Variants in NCOA2 observed in about 807,000 individuals in gnomAD.
NCOA2 encodes nuclear receptor coactivator 2.
A neutral mutation model predicts 145.1 loss-of-function variants in NCOA2; 21 were observed. That is an observed-to-expected ratio of 0.14 (90% CI 0.10 to 0.21). The LOEUF is 0.21. Ranked by LOEUF, NCOA2 falls within the 10% of genes least tolerant of loss-of-function variation. NCOA2 has a pLI of 1.00. For missense variants in NCOA2, 1,472 were observed against 1,837.6 expected, an observed-to-expected ratio of 0.80 and a Z score of 3.64; for synonymous variants, 619 against 637.5, an observed-to-expected ratio of 0.97 and a Z score of 0.44.
Position 70,231,354 on chromosome 8 carries a change from G to A in NCOA2, c.-19-14590C>T, listed in dbSNP as rs192768147. On this transcript the variant is annotated intron_variant, in intron 2 of 22. Transcript: ENST00000452400. ...ATTTCTACTCTGATGAAAGAATGCC[G>A]AGTCAGGTATGCCATAGGTGCAATA... 2.0e-3 allele frequency among the ~76,000 whole-genome samples: 309 copies of A among 152,336 alleles called. 3 individuals are homozygous for A. The highest frequency in any genetic ancestry group is 6.8e-3 in the African/African-American group (281 of 41,580).
At chr8:70,198,415 G>A (rs1216266950) in intron 4 of NCOA2, among the ~76,000 whole-genome samples, 1 of 152,138 alleles carries the variant, frequency 6.6e-6, no homozygotes, top group African/African-American at 2.4e-5. Context: ...AGTACAATGG[G>A]ACCAGCCAGC....
At position 70,159,078 on chromosome 8, in the gene NCOA2, T is replaced by G. The variant is rs545412995; in HGVS notation, c.1124+427A>C. ...CGCTGCAGATACTAAAATCCATGGA[T>G]GCTCAAGTCCCTGAAATTAATAGCA... On this transcript the variant is annotated intron_variant, in intron 10 of 22. Transcript: ENST00000452400. Among the ~76,000 whole-genome samples the G allele has an allele frequency of 3.3e-5, 5 of 151,584 alleles. No individual in the cohort carries two copies. The South Asian group carries it at 1.0e-3, about 32-fold the overall frequency.
At chr8:70,217,656 C>T (rs563253329) in intron 2 of NCOA2, among the ~76,000 whole-genome samples, 82 of 152,174 alleles carry the variant, frequency 5.4e-4, no homozygotes, top group Admixed American at 4.6e-3. Context: ...GTGTGCTCGT[C>T]ATCACTAACA....
intron 1 of NCOA2, among the ~76,000 whole-genome samples, chr8:70,332,132 T>C (rs907269662): frequency 1.5e-4 from 23 of 152,174 alleles, no homozygotes; most frequent in African/African-American, 5.5e-4. Context: ...GAATTAGAAG[T>C]GGTTGGGGAA....
chr8:70,159,122 T>C (rs1812600851), intron 10 of NCOA2, among the ~76,000 whole-genome samples: 1 of 151,040 alleles, frequency 6.6e-6, no homozygotes, highest in Non-Finnish European at 1.5e-5. Context: ...GCATATAACC[T>C]ACACACATCC....
the NCOA2 span, among the ~76,000 whole-genome samples, chr8:70,443,225 G>GT: frequency 6.7e-3 from 1 of 150 alleles, no homozygotes; most frequent in Non-Finnish European, 0.013. Context: ...AAATTAGCTG[G>GT]GTGGTGGGGG....
chr8:70,422,169 G>A, the NCOA2 span, among the ~76,000 whole-genome samples: 1 of 151,956 alleles, frequency 6.6e-6, no homozygotes, highest in Non-Finnish European at 1.5e-5. Flanking sequence ...CCTTAAGGAG[G>A]TCTCTTCATT....
At chr8:70,367,212 AACTCCTAAGACTGTTCTCATTTCC>A (rs1338524409) in intron 1 of NCOA2, among the ~76,000 whole-genome samples, 1 of 152,168 alleles carries the variant, frequency 6.6e-6, no homozygotes. Flanking sequence ...CTTTAATACA[AACTCCTAAGACTGTTCTCATTTCC>A]TTCTATAATG....
chr8:70,432,812 C>T, the NCOA2 span, among the ~76,000 whole-genome samples: 1 of 151,670 alleles, frequency 6.6e-6, no homozygotes, highest in Non-Finnish European at 1.5e-5. Context: ...TTTATATTTC[C>T]TATAATAAGT....
At chr8:70,186,734 T>C (rs779463360) in intron 4 of NCOA2, among the ~76,000 whole-genome samples, 1 of 152,184 alleles carries the variant, frequency 6.6e-6, no homozygotes, top group Non-Finnish European at 1.5e-5. Flanking sequence ...ACATGCTCAC[T>C]GTATTGAGAG....
chr8:70,351,060 C>T (rs1009529210), intron 1 of NCOA2, among the ~76,000 whole-genome samples: 4 of 152,178 alleles, frequency 2.6e-5, no homozygotes, highest in Non-Finnish European at 5.9e-5. Flanking sequence ...TTTGTAAGTA[C>T]CCATTGTTGC....
At chr8:70,312,619 C>A (rs1805225940) in intron 1 of NCOA2, among the ~76,000 whole-genome samples, 1 of 151,888 alleles carries the variant, frequency 6.6e-6, no homozygotes, top group African/African-American at 2.4e-5. Context: ...ATGATCATTT[C>A]CTAAATAAAA....
At chr8:70,362,930 T>G (rs999840632) in intron 1 of NCOA2, among the ~76,000 whole-genome samples, 2 of 149,930 alleles carry the variant, frequency 1.3e-5, no homozygotes, top group Non-Finnish European at 3.0e-5. Flanking sequence ...ACACAAAAAT[T>G]AGTCAGGTGT....
intron 6 of NCOA2, among the ~76,000 whole-genome samples, chr8:70,167,762 G>A (rs1813790930): frequency 6.6e-6 from 1 of 152,088 alleles, no homozygotes; most frequent in Admixed American, 6.5e-5. Context: ...ATGAAAGAGA[G>A]GAAAGACAAC....
intron 13 of NCOA2, among the ~76,000 whole-genome samples, chr8:70,141,920 A>G (rs1810481490): frequency 6.6e-6 from 1 of 152,232 alleles, no homozygotes; most frequent in African/African-American, 2.4e-5. Context: ...TGGAGAACTT[A>G]TAGATCTTTC....
intron 4 of NCOA2, among the ~76,000 whole-genome samples, chr8:70,180,162 C>T (rs973648912): frequency 2.0e-5 from 3 of 152,240 alleles, no homozygotes; most frequent in Non-Finnish European, 2.9e-5. Context: ...GTCTTCCTCA[C>T]TCACAAAAGA....
At chr8:70,351,071 A>G (rs903885159) in intron 1 of NCOA2, among the ~76,000 whole-genome samples, 1 of 152,204 alleles carries the variant, frequency 6.6e-6, no homozygotes, top group Non-Finnish European at 1.5e-5. Context: ...CCATTGTTGC[A>G]ATAACAAACC....
intron 2 of NCOA2, among the ~76,000 whole-genome samples, chr8:70,235,727 T>C (rs939692642): frequency 6.6e-6 from 1 of 152,028 alleles, no homozygotes; most frequent in African/African-American, 2.4e-5. Flanking sequence ...ACCTGTAGTG[T>C]CAGCTACTCG....
chr8:70,404,582 G>A (rs886269537), upstream of NCOA2, among the ~76,000 whole-genome samples: 1 of 152,244 alleles, frequency 6.6e-6, no homozygotes, highest in Admixed American at 6.5e-5. Flanking sequence ...AGCTCCAGAG[G>A]GGATGGAGAG....
Sources: allele counts gnomAD v4.1 joint callset (sites outside exome capture counted in the v4.1 genomes callset), GRCh38; gene constraint gnomAD v4.1.1; transcripts MANE v1.5; gene names NCBI Gene and HGNC (gene_info 2026-07-23, HGNC 2026-07-21).